The following RCAN2 variants were observed in gnomAD, a reference collection of about 807,000 sequenced individuals.
The protein encoded by RCAN2 is regulator of calcineurin 2, also known as calcipressin-2.
Under a neutral mutation model 23.6 loss-of-function variants are expected in RCAN2, and 9 were observed. The observed-to-expected ratio is 0.38, with a 90% CI of 0.23 to 0.67. The LOEUF is 0.67. Ranked by LOEUF, RCAN2 falls within the 30% of genes least tolerant of loss-of-function variation. RCAN2 has a pLI of 0.51. For missense variants in RCAN2, 273 were observed against 302.3 expected, an observed-to-expected ratio of 0.90 and a Z score of 0.72; for synonymous variants, 109 against 115.7, an observed-to-expected ratio of 0.94 and a Z score of 0.37.
chr6:46,475,059 A>G (rs948407464), intron 1 of RCAN2, among the ~76,000 whole-genome samples: 52 of 152,208 alleles, frequency 3.4e-4, no homozygotes, highest in Non-Finnish European at 2.1e-4. Context: ...ACTGGATTAA[A>G]ATGAGTTTTT....
At chr6:46,227,177 G>T (rs1765700687) in intron 4 of RCAN2, among the ~76,000 whole-genome samples, 1 of 152,194 alleles carries the variant, frequency 6.6e-6, no homozygotes, top group Non-Finnish European at 1.5e-5. Flanking sequence ...TGTGCTGCTG[G>T]ATTCGGTTTG....
intron 2 of RCAN2, among the ~76,000 whole-genome samples, chr6:46,437,857 A>G (rs907430306): frequency 1.2e-4 from 19 of 152,206 alleles, no homozygotes; most frequent in African/African-American, 4.6e-4. Context: ...AGAGGCTTCA[A>G]TGATGTAATG....
intron 2 of RCAN2, among the ~76,000 whole-genome samples, chr6:46,409,852 A>G (rs887529838): frequency 6.6e-6 from 1 of 152,234 alleles, no homozygotes; most frequent in African/African-American, 2.4e-5. Flanking sequence ...ATAGCTGGAA[A>G]GGCATTATTT....
chr6:46,250,441 G>A (rs995947422), intron 2 of RCAN2, among the ~76,000 whole-genome samples: 1 of 152,172 alleles, frequency 6.6e-6, no homozygotes, highest in African/African-American at 2.4e-5. Flanking sequence ...TCTCATAACA[G>A]TGAGTACAAG....
chr6:46,268,375 A>G (rs1440588352), intron 2 of RCAN2, among the ~76,000 whole-genome samples: 1 of 152,202 alleles, frequency 6.6e-6, no homozygotes, highest in Non-Finnish European at 1.5e-5. Context: ...AAAGTCATTC[A>G]TCATAGAACC....
At chr6:46,309,877 C>A (rs547186871) in intron 2 of RCAN2, among the ~76,000 whole-genome samples, 4 of 152,272 alleles carry the variant, frequency 2.6e-5, no homozygotes, top group African/African-American at 9.6e-5. Context: ...AAATAAAATG[C>A]ACCTATGGAT....
intron 2 of RCAN2, among the ~76,000 whole-genome samples, chr6:46,409,524 C>T (rs1766492890): frequency 6.6e-6 from 1 of 152,096 alleles, no homozygotes; most frequent in Non-Finnish European, 1.5e-5. Context: ...GAGTACAGGC[C>T]AAGAAAGGCA....
intron 1 of RCAN2, chr6:46,468,790 C>G: frequency 1.0e-6 from 1 of 984,634 alleles, no homozygotes; most frequent in Non-Finnish European, 1.2e-6. Flanking sequence ...TGTTCCAGAG[C>G]CTTGCTCACC....
Position 46,456,723 on chromosome 6 carries a change from T to A in RCAN2, c.225+29A>T, listed in dbSNP as rs1397505359. The A allele has an allele frequency of 4.1e-6, 6 of 1,448,010 alleles. No individual in the cohort carries two copies. The East Asian group carries it at 9.9e-5, about 24-fold the overall frequency. The allele number at this position is 1,448,010 out of a possible 1,614,324, so 89.7% of individuals were successfully genotyped here. A position where few individuals can be genotyped will look rare whatever the true frequency, so the allele number is the denominator to read the frequency against. Reference sequence around the variant, plus strand: ...TTGGAGATAATGCCATATCTCCCCATGTTTTAGGAACAGAAAAAGGCAGCT... The same window carrying A: ...TTGGAGATAATGCCATATCTCCCCAAGTTTTAGGAACAGAAAAAGGCAGCT... On this transcript the variant is annotated intron_variant, in intron 2 of 4. Transcript: ENST00000371374.
At chr6:46,385,095 A>G (rs993381448) in intron 2 of RCAN2, among the ~76,000 whole-genome samples, 1 of 152,194 alleles carries the variant, frequency 6.6e-6, no homozygotes, top group Admixed American at 6.5e-5. Flanking sequence ...CCAAACTAAA[A>G]TTTTCTAAAA....
At chr6:46,276,455 G>C (rs1411289679) in intron 2 of RCAN2, among the ~76,000 whole-genome samples, 1 of 152,052 alleles carries the variant, frequency 6.6e-6, no homozygotes, top group Non-Finnish European at 1.5e-5. Flanking sequence ...GGAGCTCTGT[G>C]GTCCTATGAT....
upstream of RCAN2, among the ~76,000 whole-genome samples, chr6:46,491,561 G>A (rs1769155097): frequency 6.6e-6 from 1 of 152,014 alleles, no homozygotes; most frequent in African/African-American, 2.4e-5. Flanking sequence ...GAAAGCCCCT[G>A]TCTGGCCTCT....
intron 2 of RCAN2, among the ~76,000 whole-genome samples, chr6:46,406,989 A>G (rs1019401807): frequency 2.6e-5 from 4 of 152,204 alleles, no homozygotes; most frequent in Admixed American, 2.0e-4. Flanking sequence ...TGATAAGGTG[A>G]CAGAGACTTC....
intron 1 of RCAN2, among the ~76,000 whole-genome samples, chr6:46,477,010 CAG>C (rs770696394): frequency 6.6e-6 from 1 of 152,126 alleles, no homozygotes; most frequent in African/African-American, 2.4e-5. Flanking sequence ...CATAAAAGAA[CAG>C]AGTTTGGATT....
intron 2 of RCAN2, among the ~76,000 whole-genome samples, chr6:46,258,572 A>T (rs1174512534): frequency 6.6e-6 from 1 of 152,120 alleles, no homozygotes; most frequent in Non-Finnish European, 1.5e-5. Flanking sequence ...AGAGGCAAAG[A>T]TCTAATACTC....
intron 2 of RCAN2, among the ~76,000 whole-genome samples, chr6:46,381,710 G>A (rs1027321495): frequency 6.6e-6 from 1 of 152,188 alleles, no homozygotes; most frequent in Non-Finnish European, 1.5e-5. Context: ...CCACAGTCCA[G>A]TGCTTAACTT....
intron 2 of RCAN2, among the ~76,000 whole-genome samples, chr6:46,291,224 G>C (rs988447551): frequency 6.6e-6 from 1 of 150,944 alleles, no homozygotes; most frequent in Non-Finnish European, 1.5e-5. Context: ...CAGAGTCAGG[G>C]GGAAAAAAAG....
chr6:46,265,639 T>G (rs930527975), intron 2 of RCAN2, among the ~76,000 whole-genome samples: 3 of 152,178 alleles, frequency 2.0e-5, no homozygotes, highest in South Asian at 4.1e-4. Flanking sequence ...CTCAGCTCAC[T>G]GGAGAGACGT....
chr6:46,403,640 G>A (rs1310071436), intron 2 of RCAN2, among the ~76,000 whole-genome samples: 1 of 151,812 alleles, frequency 6.6e-6, no homozygotes. Flanking sequence ...GGATCTTCAG[G>A]CTTTTTAAGA....
Sources: gnomAD v4.1 joint callset for allele counts (sites outside exome capture counted in the v4.1 genomes callset) on GRCh38, gnomAD v4.1.1 for gene constraint, MANE v1.5 for transcripts, NCBI Gene and HGNC (gene_info 2026-07-23, HGNC 2026-07-21) for gene names.